The following LRRTM4 variants were observed in gnomAD, a reference collection of about 807,000 sequenced individuals.
LRRTM4 encodes leucine rich repeat transmembrane neuronal 4.
Under a neutral mutation model 47.6 loss-of-function variants are expected in LRRTM4, and 25 were observed. That is an observed-to-expected ratio of 0.53 (90% CI 0.38 to 0.73). The LOEUF (loss-of-function observed/expected upper bound fraction) is 0.73, where lower values mean the gene tolerates loss of function less well. LRRTM4 is among the 30% of genes least tolerant of loss of function. LRRTM4 has a pLI of 0.00. For synonymous variants in LRRTM4, 311 were observed against 269.5 expected (o/e 1.15, Z -1.51); for missense variants, 638 against 713.4 (o/e 0.89, Z 1.20).
intron 3 of LRRTM4, among the ~76,000 whole-genome samples, chr2:77,180,745 G>A (rs1341246177): frequency 1.3e-5 from 2 of 152,154 alleles, no homozygotes; most frequent in East Asian, 3.9e-4. Context: ...GTGAATTGAT[G>A]ATATCTACTT....
intron 3 of LRRTM4, among the ~76,000 whole-genome samples, chr2:77,357,530 C>T (rs980467196): frequency 1.3e-5 from 2 of 152,112 alleles, no homozygotes; most frequent in Non-Finnish European, 2.9e-5. Context: ...TTCAAATCTT[C>T]CCATGGGTTA....
chr2:76,784,028 AGTG>A (rs1674537077), intron 3 of LRRTM4, among the ~76,000 whole-genome samples: 3 of 152,160 alleles, frequency 2.0e-5, no homozygotes, highest in Non-Finnish European at 2.9e-5. Context: ...TTATTGTGAA[AGTG>A]AGAAAACATA....
chr2:77,439,031 A>T (rs112313521), intron 3 of LRRTM4, among the ~76,000 whole-genome samples: 71 of 152,312 alleles, frequency 4.7e-4, no homozygotes, highest in African/African-American at 1.5e-3. Context: ...CAAGTCAAAG[A>T]GTAACTCAAA....
At chr2:77,021,530 A>G (rs1189482786) in intron 3 of LRRTM4, among the ~76,000 whole-genome samples, 1 of 152,192 alleles carries the variant, frequency 6.6e-6, no homozygotes, top group Non-Finnish European at 1.5e-5. Flanking sequence ...AAGTGATTAT[A>G]CATCTAGGCT....
chr2:77,245,543 AAGAAG>A (rs146982625), intron 3 of LRRTM4, among the ~76,000 whole-genome samples: 53,684 of 129,270 alleles, frequency 0.42, 11,181 homozygotes, highest in Admixed American at 0.46. Context: ...AAAAAAGAAG[AAGAAG>A]AGAAGAAGAG....
chr2:77,263,370 G>C (rs1675969257), intron 3 of LRRTM4, among the ~76,000 whole-genome samples: 1 of 152,148 alleles, frequency 6.6e-6, no homozygotes, highest in Non-Finnish European at 1.5e-5. Flanking sequence ...GATTGAACCT[G>C]AGAAGCAGGG....
intron 3 of LRRTM4, among the ~76,000 whole-genome samples, chr2:77,070,062 T>C (rs1213097981): frequency 6.6e-6 from 1 of 152,100 alleles, no homozygotes; most frequent in Admixed American, 6.6e-5. Flanking sequence ...TATATATATA[T>C]ATAAAATCGG....
At chr2:77,291,240 A>T (rs572345871) in intron 3 of LRRTM4, among the ~76,000 whole-genome samples, 1 of 152,180 alleles carries the variant, frequency 6.6e-6, no homozygotes, top group South Asian at 2.1e-4. Context: ...GGTTAATAAA[A>T]ATTGTAATAG....
At chr2:76,818,655 A>G (rs948074153) in intron 3 of LRRTM4, among the ~76,000 whole-genome samples, 8 of 151,814 alleles carry the variant, frequency 5.3e-5, no homozygotes, top group East Asian at 1.9e-4. Flanking sequence ...ATCCAATCCA[A>G]TTAATATTTA....
intron 3 of LRRTM4, among the ~76,000 whole-genome samples, chr2:76,832,982 C>T (rs1671397381): frequency 6.6e-6 from 1 of 151,894 alleles, no homozygotes; most frequent in Non-Finnish European, 1.5e-5. Flanking sequence ...CACTTTTGCA[C>T]TATTAGCAAA....
At chr2:77,050,623 T>G (rs573005590) in intron 3 of LRRTM4, among the ~76,000 whole-genome samples, 1 of 152,170 alleles carries the variant, frequency 6.6e-6, no homozygotes, top group Non-Finnish European at 1.5e-5. Context: ...CAGTAACTCC[T>G]TGGAACTCTT....
intron 3 of LRRTM4, among the ~76,000 whole-genome samples, chr2:77,119,072 AT>A (rs951255874): frequency 1.3e-5 from 2 of 151,836 alleles, no homozygotes; most frequent in African/African-American, 4.8e-5. Flanking sequence ...TATCCAGCCA[AT>A]TTTTGAAGGT....
At chr2:77,010,496 T>G (rs1053786036) in intron 3 of LRRTM4, among the ~76,000 whole-genome samples, 1 of 121,966 alleles carries the variant, frequency 8.2e-6, no homozygotes, top group Non-Finnish European at 1.8e-5. Flanking sequence ...TAGAATTGTA[T>G]TGTTTACACA....
intron 3 of LRRTM4, among the ~76,000 whole-genome samples, chr2:76,886,826 A>G (rs1207349704): frequency 6.6e-6 from 1 of 152,030 alleles, no homozygotes; most frequent in Non-Finnish European, 1.5e-5. Context: ...TAGATTTAAA[A>G]GAATGAAATA....
intron 3 of LRRTM4, among the ~76,000 whole-genome samples, chr2:77,443,350 GGTA>G (rs909556418): frequency 2.6e-5 from 4 of 152,052 alleles, no homozygotes; most frequent in Non-Finnish European, 5.9e-5. Context: ...TAGATGTTTT[GGTA>G]GTAGTTTTTC....
chr2:77,126,001 A>G (rs964284254), intron 3 of LRRTM4, among the ~76,000 whole-genome samples: 2 of 151,480 alleles, frequency 1.3e-5, no homozygotes, highest in African/African-American at 4.8e-5. Context: ...ACATATATAT[A>G]TAAGTTCTGG....
intron 3 of LRRTM4, among the ~76,000 whole-genome samples, chr2:77,035,886 C>G (rs1206036555): frequency 6.6e-6 from 1 of 151,862 alleles, no homozygotes; most frequent in East Asian, 1.9e-4. Context: ...AAACTTTGTC[C>G]TCTTAGAGTT....
intron 3 of LRRTM4, among the ~76,000 whole-genome samples, chr2:76,782,821 A>C (rs917107030): frequency 6.6e-6 from 1 of 152,212 alleles, no homozygotes; most frequent in African/African-American, 2.4e-5. Context: ...TAACACCTAC[A>C]AGTACATTAC....
chr2:76,893,465 A>C (rs1449506327), intron 3 of LRRTM4, among the ~76,000 whole-genome samples: 1 of 151,758 alleles, frequency 6.6e-6, no homozygotes, highest in Non-Finnish European at 1.5e-5. Context: ...AATAACTAAC[A>C]ACCAAATGGC....
Sources: gnomAD v4.1 joint callset for allele counts (sites outside exome capture counted in the v4.1 genomes callset) on GRCh38, gnomAD v4.1.1 for gene constraint, MANE v1.5 for transcripts, NCBI Gene and HGNC (gene_info 2026-07-23, HGNC 2026-07-21) for gene names.